Variants in DDRGK1 observed in about 807,000 individuals in gnomAD.
DDRGK1 encodes the protein DDRGK domain-containing protein 1.
In DDRGK1, 38 loss-of-function variants were observed where a neutral mutation model predicts 45.8. The ratio of observed to expected loss-of-function variants is 0.83; its 90% CI spans 0.64 to 1.09. DDRGK1 has a LOEUF of 1.09. Ranked by LOEUF, DDRGK1 falls within the 50% of genes least tolerant of loss-of-function variation. The pLI is 0.00. For synonymous variants in DDRGK1, 171 were observed against 168.7 expected (o/e 1.01, Z -0.11); for missense variants, 403 against 419.9 (o/e 0.96, Z 0.35).
rs1402960530 is a variant in DDRGK1 at position 3,190,690 on chromosome 20, G to A, written c.908C>T (p.Ala303Val). Residue 303 changes from alanine (A) to valine (V), a missense_variant, in exon 9 of 9, where the codon GCC becomes GTC. Ala to Val is a moderately conservative substitution (Grantham distance 64). Coordinates refer to ENST00000354488, the MANE Select transcript of DDRGK1 (RefSeq NM_023935.3). Reference protein sequence around the residue: ...ELAQASNSLIAWGRESPAQAP... With the variant: ...ELAQASNSLIVWGRESPAQAP... ...TTGGGCAGGGGACTCCCGGCCCCAG[G>A]CGATGAGGGAGTTGCTGGCTTGGGC... 1.4e-5 allele frequency: 22 copies of A among 1,613,898 alleles called. No homozygotes were observed. Among genetic ancestry groups the A allele is most frequent in the Non-Finnish European group, 1.8e-5 (21 of 1,179,972 alleles).
In DDRGK1 at chr20:3,191,572, T is replaced by C. The variant is rs759293902; in HGVS notation, c.729+193A>G. On this transcript the variant is annotated intron_variant, in intron 7 of 8. Transcript: ENST00000354488. ...GCAGAGTGATGGGGTTTGGGTTTTT[T>C]TTTTCTTTCCTGCCTGTTCGTCCAT... The C allele has an allele frequency of 1.8e-4, 144 of 804,998 alleles. No individual in the cohort carries two copies. The African/African-American group carries it at 2.1e-3, about 12-fold the overall frequency. The allele number at this position is 804,998 out of a possible 1,614,324, so 49.9% of individuals were successfully genotyped here. A position where few individuals can be genotyped will look rare whatever the true frequency, so the allele number is the denominator to read the frequency against.
chr20:3,201,850 G>C (rs1414873510), intron 2 of DDRGK1, among the ~76,000 whole-genome samples: 1 of 151,474 alleles, frequency 6.6e-6, no homozygotes, highest in African/African-American at 2.4e-5. Context: ...TTTTAGTAGA[G>C]ACCGGGTTTC....
At chr20:3,196,399 C>T (rs572789580) in intron 4 of DDRGK1, among the ~76,000 whole-genome samples, 86 of 152,262 alleles carry the variant, frequency 5.6e-4, no homozygotes, top group African/African-American at 1.9e-3. Flanking sequence ...GAAAGCTAGC[C>T]GGGCGTGGTG....
rs1180034109 is a variant in DDRGK1, at chr20:3,204,573, G to C, written c.55C>G (p.Leu19Val). ...CGGCCCCGGCTGCGAGTCAGGAAGA[G>C]GATAAAGCCGACTAGCAGAGCCGCC... ...VAAALLVGFI[L>V]FLTRSRGRAA... Residue 19 changes from leucine to valine, a missense_variant, in exon 1 of 9, where the codon CTC (leucine) becomes GTC (valine). By Grantham distance (32) the Leu-to-Val change is conservative. Coordinates refer to ENST00000354488, the MANE Select transcript of DDRGK1 (RefSeq NM_023935.3). 4 of 1,579,918 alleles carry C rather than the reference G, an allele frequency of 2.5e-6. No homozygotes were observed. The highest frequency in any genetic ancestry group is 3.4e-6 in the Non-Finnish European group (4 of 1,168,924).
intron 4 of DDRGK1, among the ~76,000 whole-genome samples, chr20:3,198,010 G>T (rs1314011302): frequency 3.3e-5 from 5 of 151,172 alleles, no homozygotes; most frequent in African/African-American, 1.2e-4. Flanking sequence ...CAGCTACTAG[G>T]GAGGCTGAGG....
At chr20:3,195,876 C>A (rs1332763258) in intron 4 of DDRGK1, among the ~76,000 whole-genome samples, 2 of 152,124 alleles carry the variant, frequency 1.3e-5, no homozygotes, top group African/African-American at 2.4e-5. Flanking sequence ...ACCTTCAGGT[C>A]TCATATGTCT....
intron 4 of DDRGK1, among the ~76,000 whole-genome samples, chr20:3,195,913 C>T (rs912072766): frequency 6.6e-6 from 1 of 152,096 alleles, no homozygotes; most frequent in African/African-American, 2.4e-5. Context: ...TTCTTTCCTC[C>T]CTTGGCTTCC....
chr20:3,199,617 T>G (rs1317837989), intron 4 of DDRGK1, among the ~76,000 whole-genome samples: 1 of 152,234 alleles, frequency 6.6e-6, no homozygotes, highest in Non-Finnish European at 1.5e-5. Context: ...ACCTTCTGTA[T>G]GCCAGGCCCT....
intron 4 of DDRGK1, among the ~76,000 whole-genome samples, chr20:3,196,557 T>C: frequency 6.7e-6 from 1 of 150,346 alleles, no homozygotes; most frequent in Non-Finnish European, 1.5e-5. Context: ...GGTGGGCGCC[T>C]GTAGTCCCAG....
intron 2 of DDRGK1, 63 bp from the exon 3 acceptor site, chr20:3,200,517 C>T: frequency 1.4e-6 from 2 of 1,425,486 alleles, no homozygotes; most frequent in Non-Finnish European, 1.9e-6. Flanking sequence ...ACGATGGATC[C>T]CCAACCCCTC....
In DDRGK1 at chr20:3,191,840, A is replaced by G. The variant is rs2066990682; in HGVS notation, c.673-19T>C. 6.2e-7 allele frequency: 1 copy of G among 1,600,994 alleles called. No individual in the cohort carries two copies. Among genetic ancestry groups the G allele is most frequent in the South Asian group, 1.1e-5 (1 of 88,920 alleles). The stretch of plus-strand genomic sequence containing the variant: ...TGGACTGCTACAAAAAGAAGGAGGA[A>G]AAGAAAGAGAGGCTGAGCTTGGGCA... On this transcript the variant is annotated intron_variant, in intron 6 of 8. Coordinates refer to ENST00000354488, the MANE Select transcript of DDRGK1 (RefSeq NM_023935.3).
At chr20:3,201,855 G>A (rs960783334) in intron 2 of DDRGK1, among the ~76,000 whole-genome samples, 1 of 151,754 alleles carries the variant, frequency 6.6e-6, no homozygotes, top group South Asian at 2.1e-4. Context: ...GTAGAGACCG[G>A]GTTTCACCAT....
chr20:3,200,009 C>T lies in DDRGK1; in HGVS notation c.502G>A (p.Glu168Lys), dbSNP rs1160987797. ...GTAGGGGCTGGCCTCACCTTCTGCTCCTCCTCCAGGCGAAGCCGCTCCTCC... is the reference window on the plus strand; with the variant it reads ...GTAGGGGCTGGCCTCACCTTCTGCTTCTCCTCCAGGCGAAGCCGCTCCTCC... Reference protein sequence around the residue: ...KEEERLRLEEEQKEEEERKAR... With the variant: ...KEEERLRLEEKQKEEEERKAR... The change falls in exon 4 of 9, where the codon GAG becomes AAG. Residue 168 changes from glutamate to lysine, a missense_variant. By Grantham distance (56) the Glu-to-Lys change is moderately conservative (BLOSUM62 1). Transcript: ENST00000354488. 3 of 1,610,870 alleles carry T rather than the reference C, an allele frequency of 1.9e-6. No individual in the cohort carries two copies. Among genetic ancestry groups the T allele is most frequent in the Non-Finnish European group, 2.5e-6 (3 of 1,178,804 alleles).
At chr20:3,199,451 C>T (rs981514281) in intron 4 of DDRGK1, among the ~76,000 whole-genome samples, 1 of 152,206 alleles carries the variant, frequency 6.6e-6, no homozygotes, top group East Asian at 1.9e-4. Context: ...TCAGAGGTCA[C>T]AGGTCTTCCC....
chr20:3,200,885 C>A (rs529015905), intron 2 of DDRGK1, among the ~76,000 whole-genome samples: 5 of 152,092 alleles, frequency 3.3e-5, no homozygotes, highest in South Asian at 4.2e-4. Flanking sequence ...CAAAGGTGGG[C>A]GGATCACGAG....
chr20:3,194,653 C>T lies in DDRGK1; in HGVS notation c.672+177G>A, dbSNP rs142285895. On this transcript the variant is annotated intron_variant, in intron 6 of 8. Coordinates refer to ENST00000354488, the MANE Select transcript of DDRGK1 (RefSeq NM_023935.3). ...ACAGACCCAGGTCCTTCTCCACCTT[C>T]GGGGTTGGAGGGAGAGAAACTCTCC... 6.9e-3 allele frequency among the ~76,000 whole-genome samples: 1,053 copies of T among 152,356 alleles called. 4 individuals are homozygous for T. The highest frequency in any genetic ancestry group is 0.01 in the Non-Finnish European group (704 of 68,014).
At chr20:3,196,396 A>G (rs998464850) in intron 4 of DDRGK1, among the ~76,000 whole-genome samples, 2 of 152,194 alleles carry the variant, frequency 1.3e-5, no homozygotes, top group Non-Finnish European at 2.9e-5. Context: ...ATGGAAAGCT[A>G]GCCGGGCGTG....
Position 3,195,332 on chromosome 20 carries a change from G to C in DDRGK1, c.532C>G (p.Arg178Gly), listed in dbSNP as rs746884824. 6.2e-7 allele frequency: 1 copy of C among 1,606,922 alleles called. No individual in the cohort carries two copies. Residue 178 changes from arginine to glycine, a missense_variant, in exon 5 of 9, where the codon CGC becomes GGC. Transcript: ENST00000354488. ...EQKEEEERKA[R>G]EEQAQREHEE... ...TGCTCCCGCTGGGCCTGCTCCTCGC[G>C]GGCCTTCCTCTCCTCCTCCTCCTGT...
chr20:3,191,122 C>T, intron 8 of DDRGK1, 68 bp downstream of exon 8: 1 of 1,593,116 alleles, frequency 6.3e-7, no homozygotes, highest in Non-Finnish European at 8.6e-7. Context: ...TGCAGCACAT[C>T]CCTGCAGCCC....
Sources: gnomAD v4.1 joint callset for allele counts (sites outside exome capture counted in the v4.1 genomes callset) on GRCh38, gnomAD v4.1.1 for gene constraint, MANE v1.5 for transcripts, NCBI Gene and HGNC (gene_info 2026-07-23, HGNC 2026-07-21) for gene names.